The following REC114 variants were observed in gnomAD, a reference collection of about 807,000 sequenced individuals.
REC114 encodes the protein REC114 meiotic recombination protein, also known as meiotic recombination protein REC114.
Under a neutral mutation model 31.3 loss-of-function variants are expected in REC114, and 27 were observed. The observed-to-expected ratio is 0.86, with a 90% CI of 0.64 to 1.19. The LOEUF (loss-of-function observed/expected upper bound fraction) is 1.19, where lower values mean the gene tolerates loss of function less well. REC114 is among the 50% of genes most tolerant of loss of function. The pLI is 0.00. For synonymous variants in REC114, 134 were observed against 127.7 expected, an observed-to-expected ratio of 1.05 and a Z score of -0.33; for missense variants, 344 against 326.9, an observed-to-expected ratio of 1.05 and a Z score of -0.40.
intron 2 of REC114, among the ~76,000 whole-genome samples, chr15:73,503,455 A>G (rs536758840): frequency 2.0e-5 from 3 of 152,366 alleles, no homozygotes; most frequent in Non-Finnish European, 2.9e-5. Flanking sequence ...ACAGGAAAAA[A>G]AAGTGATACA....
Position 73,520,158 on chromosome 15 carries a change from TTGAC to T in REC114, c.250-20323_250-20320del, listed in dbSNP as rs748785044. ...ACAATTTAAAAAAATTCATGACACA[TTGAC>T]TGATTCAACAAATTACATAAATAGA... is the stretch of plus-strand genomic sequence containing the variant. On this transcript the variant is annotated intron_variant, in intron 2 of 5. Coordinates refer to ENST00000331090, the MANE Select transcript of REC114 (RefSeq NM_001042367.2). Among the ~76,000 whole-genome samples, 8 of 152,326 alleles carry T rather than the reference TTGAC, an allele frequency of 5.3e-5. 1 individual carries two copies. In the South Asian group the frequency reaches 6.2e-4, roughly 12 times the overall value.
intron 1 of REC114, among the ~76,000 whole-genome samples, chr15:73,464,868 G>A (rs756244747): frequency 2.6e-5 from 4 of 152,020 alleles, no homozygotes; most frequent in Admixed American, 6.6e-5. Context: ...CCTTCTGGCT[G>A]TCTTGGATGA....
intron 1 of REC114, among the ~76,000 whole-genome samples, chr15:73,450,719 G>A (rs1006445656): frequency 6.6e-6 from 1 of 152,088 alleles, no homozygotes; most frequent in Non-Finnish European, 1.5e-5. Context: ...TTCTAAAATT[G>A]ACCACATAAT....
At chr15:73,477,758 C>T (rs1273137378) in intron 2 of REC114, among the ~76,000 whole-genome samples, 1 of 152,052 alleles carries the variant, frequency 6.6e-6, no homozygotes, top group Non-Finnish European at 1.5e-5. Flanking sequence ...AAGCTTTATG[C>T]TTTCAGCTCT....
intron 5 of REC114, among the ~76,000 whole-genome samples, 184 bp from the exon 6 acceptor site, chr15:73,559,568 T>C (rs953960541): frequency 6.6e-6 from 1 of 152,248 alleles, no homozygotes; most frequent in Non-Finnish European, 1.5e-5. Context: ...AGAATACATA[T>C]TAATATACAA....
chr15:73,540,827 C>T (rs1036747642), intron 3 of REC114, among the ~76,000 whole-genome samples: 1 of 152,074 alleles, frequency 6.6e-6, no homozygotes, highest in Non-Finnish European at 1.5e-5. Context: ...ATTCTCTATC[C>T]CCCAAGCACA....
At chr15:73,479,837 C>G (rs976423166) in intron 2 of REC114, among the ~76,000 whole-genome samples, 6 of 152,120 alleles carry the variant, frequency 3.9e-5, no homozygotes, top group African/African-American at 1.4e-4. Flanking sequence ...CACTTATCCA[C>G]TGATGGACCC....
At chr15:73,453,523 A>G (rs1409593374) in intron 1 of REC114, among the ~76,000 whole-genome samples, 1 of 152,198 alleles carries the variant, frequency 6.6e-6, no homozygotes, top group East Asian at 1.9e-4. Flanking sequence ...TGTTTGTAAG[A>G]GTGTAAATTA....
intron 2 of REC114, among the ~76,000 whole-genome samples, chr15:73,486,693 T>A (rs1893375200): frequency 6.6e-6 from 1 of 152,158 alleles, no homozygotes; most frequent in East Asian, 1.9e-4. Flanking sequence ...TGCTGCATCC[T>A]CCATAGGGGA....
intron 1 of REC114, among the ~76,000 whole-genome samples, chr15:73,471,592 G>A (rs891235115): frequency 1.3e-5 from 2 of 152,064 alleles, no homozygotes; most frequent in Non-Finnish European, 2.9e-5. Context: ...TAGCAATTTG[G>A]AGGGCAAGAG....
Position 73,444,731 on chromosome 15 carries a change from G to A in REC114, c.159+1387G>A, listed in dbSNP as rs1892743555. 2.6e-5 allele frequency among the ~76,000 whole-genome samples: 4 copies of A among 152,264 alleles called. No homozygotes were observed. The South Asian group carries it at 8.3e-4, about 32-fold the overall frequency. ...AATGTTCTTAATGGTATCTAGAATG[G>A]TGAATCCTTTTCAGATGTTTTCTAT... On this transcript the variant is annotated intron_variant, in intron 1 of 5. Coordinates refer to ENST00000331090, the MANE Select transcript of REC114 (RefSeq NM_001042367.2).
intron 2 of REC114, among the ~76,000 whole-genome samples, chr15:73,482,701 T>C (rs1357457852): frequency 6.6e-6 from 1 of 152,244 alleles, no homozygotes; most frequent in African/African-American, 2.4e-5. Flanking sequence ...AATATTCTAC[T>C]ATAGGTATAT....
intron 1 of REC114, among the ~76,000 whole-genome samples, chr15:73,456,445 A>G (rs1181870161): frequency 6.6e-6 from 1 of 152,126 alleles, no homozygotes; most frequent in Non-Finnish European, 1.5e-5. Flanking sequence ...TTTGTACTTG[A>G]AATGAACTTT....
intron 1 of REC114, among the ~76,000 whole-genome samples, chr15:73,451,875 A>G (rs1220715687): frequency 1.3e-5 from 2 of 152,240 alleles, no homozygotes; most frequent in South Asian, 4.1e-4. Context: ...AGAACCAATG[A>G]CAAAAACCAC....
At chr15:73,517,895 A>C (rs1013644279) in intron 2 of REC114, among the ~76,000 whole-genome samples, 1 of 152,150 alleles carries the variant, frequency 6.6e-6, no homozygotes, top group Non-Finnish European at 1.5e-5. Context: ...GAGGAGGTTG[A>C]AGAGAATAAG....
chr15:73,520,484 C>CT (rs1233274837), intron 2 of REC114, among the ~76,000 whole-genome samples: 4 of 152,056 alleles, frequency 2.6e-5, no homozygotes, highest in South Asian at 2.1e-4. Flanking sequence ...CCACCTTGGC[C>CT]CCCAAAGTGT....
chr15:73,473,859 T>A lies in REC114; in HGVS notation c.187T>A (p.Tyr63Asn). The change falls in exon 2 of 6, where the codon TAT (tyrosine) becomes AAT (asparagine). Residue 63 changes from tyrosine to asparagine, a missense_variant. Tyr to Asn is a moderately radical substitution (Grantham distance 143). Coordinates refer to ENST00000331090, the MANE Select transcript of REC114 (RefSeq NM_001042367.2). ...TTTTGATTCCAATGAAGAATCTGGATATCTTGTTCTCACCATAGTTATATC... is the reference window on the plus strand; with the variant it reads ...TTTTGATTCCAATGAAGAATCTGGAAATCTTGTTCTCACCATAGTTATATC... Reference protein sequence around the residue: ...KVFDSNEESGYLVLTIVISGH... With the variant: ...KVFDSNEESGNLVLTIVISGH... 1 of 1,583,758 alleles carries A rather than the reference T, an allele frequency of 6.3e-7. No homozygotes were observed. The highest frequency in any genetic ancestry group is 8.6e-7 in the Non-Finnish European group (1 of 1,162,328).
chr15:73,494,240 A>G (rs1893485220), intron 2 of REC114, among the ~76,000 whole-genome samples: 1 of 152,160 alleles, frequency 6.6e-6, no homozygotes, highest in South Asian at 2.1e-4. Context: ...TGAAGGTATG[A>G]GTTAAAAGTT....
intron 1 of REC114, among the ~76,000 whole-genome samples, chr15:73,447,441 T>C (rs1892780427): frequency 6.6e-6 from 1 of 152,056 alleles, no homozygotes; most frequent in East Asian, 1.9e-4. Context: ...CAGTGGCTTA[T>C]CCCTGTAATC....
Sources: gnomAD v4.1 joint callset for allele counts (sites outside exome capture counted in the v4.1 genomes callset) on GRCh38, gnomAD v4.1.1 for gene constraint, MANE v1.5 for transcripts, NCBI Gene and HGNC (gene_info 2026-07-23, HGNC 2026-07-21) for gene names.